The following RARB variants were observed in gnomAD, a reference collection of about 807,000 sequenced individuals.
RARB encodes the protein HBV-activated protein.
Under a neutral mutation model 51.9 loss-of-function variants are expected in RARB, and 17 were observed. That is an observed-to-expected ratio of 0.33 (90% CI 0.22 to 0.49). The LOEUF (loss-of-function observed/expected upper bound fraction) is 0.49, where lower values mean the gene tolerates loss of function less well. Among genes scored for constraint, RARB ranks in the 20% least tolerant of loss-of-function variants. RARB has a pLI of 0.99. For missense variants in RARB, 369 were observed against 550.8 expected (o/e 0.67, Z 3.30); for synonymous variants, 215 against 195.4 (o/e 1.10, Z -0.84).
At chr3:24,915,148 A>G (rs1293899339) in intron 2 of RARB, among the ~76,000 whole-genome samples, 2 of 152,214 alleles carry the variant, frequency 1.3e-5, no homozygotes, top group Admixed American at 1.3e-4. Context: ...AAGAGATACA[A>G]AAGTTGAAGA....
At chr3:24,868,040 G>T (rs558898585) in intron 2 of RARB, among the ~76,000 whole-genome samples, 1 of 152,086 alleles carries the variant, frequency 6.6e-6, no homozygotes, top group Non-Finnish European at 1.5e-5. Context: ...ATCTCTGGAC[G>T]GCTTGCAGAA....
chr3:25,215,073 C>G (rs1263812504), intron 5 of RARB, among the ~76,000 whole-genome samples: 2 of 152,140 alleles, frequency 1.3e-5, no homozygotes, highest in African/African-American at 4.8e-5. Context: ...TGATTTCACT[C>G]AAGTTAGTAA....
chr3:25,557,369 C>G (rs962604779), intron 3 of RARB, among the ~76,000 whole-genome samples: 5 of 152,162 alleles, frequency 3.3e-5, no homozygotes, highest in African/African-American at 1.2e-4. Flanking sequence ...TCTTCATTTT[C>G]CATGGATACC....
intron 3 of RARB, among the ~76,000 whole-genome samples, chr3:25,073,910 G>A (rs1254726736): frequency 2.6e-5 from 4 of 151,992 alleles, no homozygotes; most frequent in Non-Finnish European, 4.4e-5. Flanking sequence ...TAAATTGAAA[G>A]TATGTCAAAG....
intron 2 of RARB, among the ~76,000 whole-genome samples, chr3:24,891,342 T>G (rs1455639739): frequency 1.3e-5 from 2 of 152,138 alleles, no homozygotes; most frequent in African/African-American, 4.8e-5. Context: ...ATTGGAAGCT[T>G]GTCTGTTCTG....
At chr3:25,150,823 G>A (rs1700275053) in intron 4 of RARB, among the ~76,000 whole-genome samples, 1 of 152,180 alleles carries the variant, frequency 6.6e-6, no homozygotes, top group African/African-American at 2.4e-5. Context: ...CCAAGAGACA[G>A]GACCGCAGTG....
At chr3:25,241,947 A>G (rs1035538998) in intron 5 of RARB, among the ~76,000 whole-genome samples, 10 of 152,034 alleles carry the variant, frequency 6.6e-5, no homozygotes, top group African/African-American at 2.2e-4. Context: ...AAACTTTCCT[A>G]TTTCTCCACA....
chr3:25,062,764 T>C (rs749673760), intron 3 of RARB, among the ~76,000 whole-genome samples: 10 of 151,866 alleles, frequency 6.6e-5, no homozygotes, highest in Non-Finnish European at 1.5e-4. Flanking sequence ...TTGGGGCCAG[T>C]AGAGGTGAGA....
chr3:25,589,040 T>C (rs7620852), intron 5 of RARB, among the ~76,000 whole-genome samples: 26,422 of 152,206 alleles, frequency 0.17, 2,340 homozygotes, highest in East Asian at 0.21. Context: ...TGCACACATA[T>C]TTTTAAACCA....
At chr3:24,920,558 T>G (rs1380743692) in intron 2 of RARB, among the ~76,000 whole-genome samples, 2 of 150,254 alleles carry the variant, frequency 1.3e-5, no homozygotes, top group African/African-American at 2.4e-5. Flanking sequence ...TCTCTTCTTT[T>G]CCAGATAAAG....
chr3:25,165,467 T>C (rs2125348724), intron 4 of RARB, among the ~76,000 whole-genome samples: 1 of 152,312 alleles, frequency 6.6e-6, no homozygotes, highest in South Asian at 2.1e-4. Context: ...GGCACACTAC[T>C]GCTTCCAAGC....
intron 5 of RARB, among the ~76,000 whole-genome samples, chr3:25,199,494 G>A (rs958923292): frequency 6.6e-6 from 1 of 152,092 alleles, no homozygotes; most frequent in Non-Finnish European, 1.5e-5. Flanking sequence ...GGGTACATGT[G>A]CACAATGTGC....
intron 2 of RARB, among the ~76,000 whole-genome samples, chr3:24,909,505 G>T (rs765975855): frequency 2.0e-5 from 3 of 151,760 alleles, no homozygotes; most frequent in African/African-American, 7.3e-5. Context: ...TCCTCCTCGT[G>T]ACTCAGTATC....
At chr3:24,988,564 G>C (rs1696843632) in intron 2 of RARB, among the ~76,000 whole-genome samples, 2 of 151,982 alleles carry the variant, frequency 1.3e-5, no homozygotes, top group Admixed American at 6.5e-5. Flanking sequence ...TCTGGTTCGT[G>C]TGTTTTATAA....
At chr3:25,570,012 ACACACAC>A in intron 4 of RARB, 94 bp downstream of exon 4, 1 of 1,157,350 alleles carries the variant, frequency 8.6e-7, no homozygotes, top group Non-Finnish European at 1.2e-6. Context: ...ACACACACAC[ACACACAC>A]ACTTTGCACT....
At chr3:25,423,353 G>A (rs1707909118), upstream of RARB, among the ~76,000 whole-genome samples, 1 of 152,168 alleles carries the variant, frequency 6.6e-6, no homozygotes, top group Non-Finnish European at 1.5e-5. Context: ...GAAATGCAGT[G>A]CATTGATGTA....
intron 2 of RARB, among the ~76,000 whole-genome samples, chr3:24,879,289 C>T (rs1000567762): frequency 2.0e-5 from 3 of 151,758 alleles, no homozygotes; most frequent in Non-Finnish European, 2.9e-5. Context: ...ATTAGCCGGG[C>T]GTGGTGGCGG....
Position 24,966,097 on chromosome 3 carries a change from AT to A in RARB, c.-379-94014del, listed in dbSNP as rs1225973734. ...ACTAAAGAGGCACCTTTATCTTTGA[AT>A]TTTTTTTTTTTTTGGTTATTTTAGC... On this transcript the variant is annotated intron_variant, in intron 2 of 11. Transcript: ENST00000383772. Among the ~76,000 whole-genome samples, 454 of 85,542 alleles carry A rather than the reference AT, an allele frequency of 5.3e-3. 4 individuals carry two copies. Among genetic ancestry groups the A allele is most frequent in the East Asian group, 0.011 (38 of 3,424 alleles). 56.1% of individuals were successfully genotyped at this position (85,542 alleles called of 152,430 possible).
chr3:24,847,157 G>T (rs1702495510), intron 1 of RARB, among the ~76,000 whole-genome samples: 1 of 152,212 alleles, frequency 6.6e-6, no homozygotes, highest in Admixed American at 6.5e-5. Context: ...GGTAGTCTGA[G>T]GGTGGGAACC....
Sources: allele counts gnomAD v4.1 joint callset (sites outside exome capture counted in the v4.1 genomes callset), GRCh38; gene constraint gnomAD v4.1.1; transcripts MANE v1.5; gene names NCBI Gene and HGNC (gene_info 2026-07-23, HGNC 2026-07-21).